ZNF236: variants seen among roughly 807,000 people sequenced by gnomAD.
ZNF236 encodes the protein regulated by glucose.
ZNF236 carries 50 observed loss-of-function variants against 191.2 expected under a neutral mutation model. The observed-to-expected ratio is 0.26, with a 90% confidence interval of 0.21 to 0.33. ZNF236 has a LOEUF of 0.33. Among genes scored for constraint, ZNF236 ranks in the 10% least tolerant of loss-of-function variants. The pLI, the probability that ZNF236 is intolerant of heterozygous loss-of-function variation, is 1.00. For synonymous variants in ZNF236, 907 were observed against 928.8 expected, an observed-to-expected ratio of 0.98 and a Z score of 0.43; for missense variants, 1,754 against 2,374.5, an observed-to-expected ratio of 0.74 and a Z score of 5.43.
intron 10 of ZNF236, among the ~76,000 whole-genome samples, chr18:76,897,538 C>T (rs1251392475): frequency 2.0e-5 from 3 of 151,314 alleles, no homozygotes; most frequent in Non-Finnish European, 4.4e-5. Context: ...CACAGTGCTG[C>T]ACACAGGGAC....
At chr18:76,923,517 T>C (rs1967595342) in intron 21 of ZNF236, among the ~76,000 whole-genome samples, 1 of 152,262 alleles carries the variant, frequency 6.6e-6, no homozygotes, top group Non-Finnish European at 1.5e-5. Flanking sequence ...AACCTGGCAC[T>C]TAGCAAATCT....
intron 5 of ZNF236, among the ~76,000 whole-genome samples, chr18:76,872,034 A>G (rs1435906682): frequency 6.6e-6 from 1 of 152,260 alleles, no homozygotes; most frequent in East Asian, 1.9e-4. Context: ...TAAATTATAC[A>G]TTAACAAATA....
chr18:76,889,059 C>CT (rs1446798681), intron 9 of ZNF236, among the ~76,000 whole-genome samples: 6 of 152,222 alleles, frequency 3.9e-5, no homozygotes, highest in African/African-American at 1.4e-4. Context: ...ACTTCTGACT[C>CT]TTGCTAGTCC....
intron 20 of ZNF236, among the ~76,000 whole-genome samples, chr18:76,920,748 T>C (rs17060091): frequency 0.047 from 7,145 of 152,080 alleles, 293 homozygotes; most frequent in African/African-American, 0.11. Flanking sequence ...GACACAAGCG[T>C]GTGACAGGAG....
At chr18:76,856,706 A>T (rs1362547647) in intron 3 of ZNF236, among the ~76,000 whole-genome samples, 2 of 152,120 alleles carry the variant, frequency 1.3e-5, no homozygotes, top group Non-Finnish European at 2.9e-5. Flanking sequence ...AAACTTGTGT[A>T]AAGTATTTAC....
chr18:76,954,442 T>A (rs1397550929), intron 27 of ZNF236, among the ~76,000 whole-genome samples: 1 of 152,254 alleles, frequency 6.6e-6, no homozygotes, highest in East Asian at 1.9e-4. Context: ...TTCTTCAGCA[T>A]GCATTTATCT....
At chr18:76,862,891 A>G (rs1364359348) in intron 3 of ZNF236, among the ~76,000 whole-genome samples, 3 of 152,322 alleles carry the variant, frequency 2.0e-5, no homozygotes, top group Admixed American at 6.5e-5. Flanking sequence ...ACAAGGAAAG[A>G]GCGGTATCAA....
At chr18:76,829,439 C>T (rs1272200983) in intron 1 of ZNF236, among the ~76,000 whole-genome samples, 13 of 151,880 alleles carry the variant, frequency 8.6e-5, no homozygotes, top group East Asian at 5.8e-4. Flanking sequence ...GCCATCCTCT[C>T]ACTTCGGCCT....
chr18:76,931,808 T>A (rs1033088932), intron 25 of ZNF236, among the ~76,000 whole-genome samples: 12 of 152,254 alleles, frequency 7.9e-5, no homozygotes, highest in African/African-American at 2.9e-4. Context: ...ATAACATACC[T>A]ATCTCGTTCT....
At chr18:76,854,359 T>G (rs1975979578) in intron 3 of ZNF236, among the ~76,000 whole-genome samples, 1 of 152,194 alleles carries the variant, frequency 6.6e-6, no homozygotes, top group Non-Finnish European at 1.5e-5. Context: ...ACAGACTACT[T>G]TTGTAACCTA....
chr18:76,895,247 C>G lies in ZNF236; in HGVS notation c.1652C>G (p.Thr551Ser), dbSNP rs1398820930. The change falls in exon 10 of 31, where the codon ACC becomes AGC. Residue 551 changes from threonine to serine, a missense_variant. This residue lies in a region of ZNF236 where 641 missense variants were observed against 869.6 expected (regional missense o/e 0.74). Coordinates refer to ENST00000320610, the MANE Select transcript of ZNF236 (RefSeq NM_001306089.2). ...CAGTACTGCATGAAGAGCTTCTCCA[C>G]CTCTGGCAGCCTCAAGGTGCACATT... ...KCQYCMKSFSTSGSLKVHIRL... is the reference protein window; with the variant it reads ...KCQYCMKSFSSSGSLKVHIRL... The G allele has an allele frequency of 1.9e-6, 3 of 1,599,800 alleles. No individual in the cohort carries two copies. Among genetic ancestry groups the G allele is most frequent in the Non-Finnish European group, 2.5e-6 (3 of 1,179,922 alleles).
intron 1 of ZNF236, among the ~76,000 whole-genome samples, chr18:76,823,309 T>A (rs960119263): frequency 2.7e-5 from 4 of 146,966 alleles, no homozygotes; most frequent in Non-Finnish European, 1.5e-5. Context: ...GTAGGCGCCA[T>A]TGTGATCCGG....
chr18:76,882,944 G>A (rs1312161122), intron 9 of ZNF236, among the ~76,000 whole-genome samples: 2 of 152,170 alleles, frequency 1.3e-5, no homozygotes, highest in African/African-American at 2.4e-5. Flanking sequence ...TGAGCCCCAC[G>A]GGCTACTGTC....
chr18:76,894,593 T>G lies in ZNF236; in HGVS notation c.1418-420T>G, dbSNP rs373909460. On this transcript the variant is annotated intron_variant, in intron 9 of 30. Coordinates refer to ENST00000320610, the MANE Select transcript of ZNF236 (RefSeq NM_001306089.2). Reference sequence around the variant, plus strand: ...CTTTTATAGCATATAGATTTACTGTTTCTTAATTATTTGCATTTATATTTT... The same window carrying G: ...CTTTTATAGCATATAGATTTACTGTGTCTTAATTATTTGCATTTATATTTT... Among the ~76,000 whole-genome samples, 3 of 152,240 alleles carry G rather than the reference T, an allele frequency of 2.0e-5. No individual in the cohort carries two copies. The East Asian group carries it at 5.8e-4, about 29-fold the overall frequency.
At chr18:76,942,906 G>A (rs1319883412) in intron 26 of ZNF236, among the ~76,000 whole-genome samples, 4 of 149,032 alleles carry the variant, frequency 2.7e-5, no homozygotes, top group African/African-American at 4.9e-5. Context: ...GGCGGATCAC[G>A]AGGTCAGGAG....
At chr18:76,870,264 A>C (rs1431734098) in intron 4 of ZNF236, among the ~76,000 whole-genome samples, 1 of 57,690 alleles carries the variant, frequency 1.7e-5, no homozygotes, top group African/African-American at 6.4e-5. Context: ...TTATGATTTC[A>C]GTGATTTTTT....
rs200475993 is a variant in ZNF236 at position 76,878,151 on chromosome 18, C to T, written c.983C>T (p.Thr328Met). The T allele has an allele frequency of 1.2e-3, 1,957 of 1,605,590 alleles. 2 individuals are homozygous for T. Among genetic ancestry groups the T allele is most frequent in the Non-Finnish European group, 1.5e-3 (1,752 of 1,175,602 alleles). ...TCTACAGAGACTGCTCATGTTTTAA[C>T]GGTAAGTTTAGTAATTTGGAAGAAC... The part of the protein sequence containing the change: ...TSSTETAHVL[T>M]ATLFQTLPLQ... Residue 328 changes from threonine to methionine, a missense_variant and splice_region_variant, in exon 7 of 31, where the codon ACG (threonine) becomes ATG (methionine). This residue lies in a region of ZNF236 where 336 missense variants were observed against 495.1 expected (regional missense o/e 0.68). Transcript: ENST00000320610.
rs558530091 is a variant in ZNF236 at position 76,846,799 on chromosome 18, C to CT, written c.56-2714dup. On this transcript the variant is annotated intron_variant, in intron 1 of 30. Transcript: ENST00000320610. ...TCATAAGTAAAGCAACAACATTTTTCTTTTTTTTTTTTTGAGACGGAGCCT... is the reference window on the plus strand; with the variant it reads ...TCATAAGTAAAGCAACAACATTTTTCTTTTTTTTTTTTTTGAGACGGAGCCT... Among the ~76,000 whole-genome samples the CT allele has an allele frequency of 7.5e-3, 1,081 of 143,370 alleles. 9 individuals are homozygous for CT. Among genetic ancestry groups the CT allele is most frequent in the African/African-American group, 0.018 (704 of 39,486 alleles). The allele number at this position is 143,370 out of a possible 152,430, so 94.1% of individuals were successfully genotyped here.
At chr18:76,847,460 A>T (rs1453018913) in intron 1 of ZNF236, among the ~76,000 whole-genome samples, 1 of 151,504 alleles carries the variant, frequency 6.6e-6, no homozygotes, top group Non-Finnish European at 1.5e-5. Context: ...TATTTTATTT[A>T]TTTTTATTTA....
Sources: gnomAD v4.1 joint callset for allele counts (sites outside exome capture counted in the v4.1 genomes callset) on GRCh38, gnomAD v4.1.1 for gene constraint, gnomAD v4.1.1 regional missense constraint, MANE v1.5 for transcripts, NCBI Gene and HGNC (gene_info 2026-07-23, HGNC 2026-07-21) for gene names.